SPPL2B: variants seen among roughly 807,000 people sequenced by gnomAD.
The protein encoded by SPPL2B is signal peptide peptidase like 2B.
In SPPL2B, 39 loss-of-function variants were observed where a neutral mutation model predicts 59.7. The ratio of observed to expected loss-of-function variants is 0.65; its 90% CI spans 0.51 to 0.85. SPPL2B has a LOEUF of 0.85. Among genes scored for constraint, SPPL2B ranks in the 40% least tolerant of loss-of-function variants. The pLI, the probability that SPPL2B is intolerant of heterozygous loss-of-function variation, is 0.00. For missense variants in SPPL2B, 865 were observed against 849.0 expected (o/e 1.02, Z -0.23); for synonymous variants, 419 against 370.8 (o/e 1.13, Z -1.49).
In SPPL2B at chr19:2,334,724, G is replaced by A; in HGVS notation, c.186+3G>A. 2 of 1,593,410 alleles carry A rather than the reference G, an allele frequency of 1.3e-6. No homozygotes were observed. The highest frequency in any genetic ancestry group is 1.7e-6 in the Non-Finnish European group (2 of 1,169,528). On this transcript the variant is annotated splice_donor_region_variant and intron_variant, in intron 2 of 14. Coordinates refer to ENST00000613503, the MANE Select transcript of SPPL2B (RefSeq NM_152988.3). ...TTCCGCACGACCTCAGCAAGGCAGT[G>A]AGTACCCGCTGGCCGGGCGCCGCTG... is the stretch of plus-strand genomic sequence containing the variant.
intron 13 of SPPL2B, among the ~76,000 whole-genome samples, chr19:2,347,144 C>T (rs543246356): frequency 6.8e-6 from 1 of 147,030 alleles, no homozygotes; most frequent in Admixed American, 6.7e-5. Context: ...CTTACGCGCT[C>T]TCATTCACCT....
At chr19:2,336,053 G>A (rs1381350020) in intron 2 of SPPL2B, among the ~76,000 whole-genome samples, 2 of 152,254 alleles carry the variant, frequency 1.3e-5, no homozygotes, top group Non-Finnish European at 1.5e-5. Flanking sequence ...ATGTGCCTGA[G>A]TGCATATTTC....
At position 2,351,364 on chromosome 19, in the gene SPPL2B, G is replaced by A. The variant is rs1030908833; in HGVS notation, c.1355-70G>A. On this transcript the variant is annotated intron_variant, in intron 13 of 14. Transcript: ENST00000613503. ...CCTCCACCAACCCCAGCCCGCTCAC[G>A]TTCTTCCCAGGGAAATGGGTGGTGG... 8.8e-5 allele frequency: 117 copies of A among 1,333,486 alleles called. 1 individual carries two copies. Among genetic ancestry groups the A allele is most frequent in the Non-Finnish European group, 1.2e-4 (111 of 960,580 alleles). The allele number at this position is 1,333,486 out of a possible 1,614,324, so 82.6% of individuals were successfully genotyped here. A position where few individuals can be genotyped will look rare whatever the true frequency, so the allele number is the denominator to read the frequency against.
intron 8 of SPPL2B, 189 bp from the exon 9 acceptor site, chr19:2,343,022 C>T (rs2145174299): frequency 1.7e-6 from 1 of 598,198 alleles, no homozygotes; most frequent in East Asian, 2.8e-5. Flanking sequence ...TGCCGCCAGC[C>T]CTGCTGGAGT....
chr19:2,328,709 C>A lies in SPPL2B; in HGVS notation c.-1C>A, dbSNP rs1237584587. The A allele has an allele frequency of 2.1e-6, 3 of 1,441,348 alleles. No individual in the cohort carries two copies. The highest frequency in any genetic ancestry group is 2.7e-6 in the Non-Finnish European group (3 of 1,107,184). 89.3% of individuals were successfully genotyped at this position (1,441,348 alleles called of 1,614,324 possible). ...GTTGGTTGCGGCGGGCACCGGCCGA[C>A]ATGGCGGCAGCGGTGGCGGCTGCGC... is the stretch of plus-strand genomic sequence containing the variant. On this transcript the variant is annotated 5_prime_UTR_variant, in exon 1 of 15. Transcript: ENST00000613503.
rs987220221 is a variant in SPPL2B, at chr19:2,353,400, C to T, written c.*191C>T. 9 of 667,624 alleles carry T rather than the reference C, an allele frequency of 1.3e-5. No homozygotes were observed. The highest frequency in any genetic ancestry group is 3.8e-5 in the African/African-American group (2 of 52,728). The allele number at this position is 667,624 out of a possible 1,614,324, so 41.4% of individuals were successfully genotyped here. A position where few individuals can be genotyped will look rare whatever the true frequency, so the allele number is the denominator to read the frequency against. On this transcript the variant is annotated 3_prime_UTR_variant, in exon 15 of 15. Coordinates refer to ENST00000613503, the MANE Select transcript of SPPL2B (RefSeq NM_152988.3). ...GTGCCCGCGCCCAGCCCAGCTGCCC[C>T]GGCTGCACGCCTGCTGCTCCCAGCT...
At position 2,339,060 on chromosome 19, in the gene SPPL2B, T is replaced by C. The variant is rs750006104; in HGVS notation, c.460-9T>C. 1 of 1,552,274 alleles carries C rather than the reference T, an allele frequency of 6.4e-7. No homozygotes were observed. The highest frequency in any genetic ancestry group is 1.2e-5 in the South Asian group (1 of 84,526). On this transcript the variant is annotated splice_polypyrimidine_tract_variant and intron_variant, in intron 4 of 14. Coordinates refer to ENST00000613503, the MANE Select transcript of SPPL2B (RefSeq NM_152988.3). Reference sequence around the variant, plus strand: ...CTGACGCCTGCCTCCGGTGTGTTCCTTGAGGCAGCGTTTCGGCCGCACGGT... The same window carrying C: ...CTGACGCCTGCCTCCGGTGTGTTCCCTGAGGCAGCGTTTCGGCCGCACGGT...
At chr19:2,341,983 T>C (rs1969086167) in intron 8 of SPPL2B, 3 of 189,690 alleles carry the variant, frequency 1.6e-5, no homozygotes, top group African/African-American at 7.1e-5. Flanking sequence ...TCTGGGTGCT[T>C]GAAGTACGTG....
intron 12 of SPPL2B, 148 bp from the exon 13 acceptor site, chr19:2,345,105 G>A (rs1052101854): frequency 2.7e-5 from 17 of 633,830 alleles, no homozygotes; most frequent in African/African-American, 5.5e-5. Context: ...CCGAGCGAGC[G>A]TGTGGCCTGT....
rs761876501 is a variant in SPPL2B at position 2,351,489 on chromosome 19, C to T, written c.1410C>T (p.Gly470=). 1.2e-6 allele frequency: 2 copies of T among 1,610,408 alleles called. No individual in the cohort carries two copies. Among genetic ancestry groups the T allele is most frequent in the Non-Finnish European group, 1.7e-6 (2 of 1,179,394 alleles). The part of the protein sequence containing the change: ...TFVALALMQR[G]QPALLYLVPC... ...TGGCACTGGCCCTGATGCAGCGTGG[C>T]CAGCCCGCTCTCCTCTACCTGGTGC... Residue 470 remains glycine, a synonymous_variant, in exon 14 of 15, where the codon GGC becomes GGT. Coordinates refer to ENST00000613503, the MANE Select transcript of SPPL2B (RefSeq NM_152988.3).
At chr19:2,343,318 G>A (rs757849317) in intron 9 of SPPL2B, 26 bp downstream of exon 9, 51 of 1,530,338 alleles carry the variant, frequency 3.3e-5, no homozygotes, top group Non-Finnish European at 4.1e-5. Context: ...GCACGGCTGC[G>A]GGGCAGCATG....
In SPPL2B at chr19:2,334,617, G is replaced by C. The variant is rs377325090; in HGVS notation, c.82G>C (p.Gly28Arg). The C allele has an allele frequency of 2.5e-6, 4 of 1,612,364 alleles. No homozygotes were observed. The highest frequency in any genetic ancestry group is 3.4e-6 in the Non-Finnish European group (4 of 1,179,318). Residue 28 changes from glycine to arginine, a missense_variant, in exon 2 of 15, where the codon GGC (glycine) becomes CGC (arginine). Coordinates refer to ENST00000613503, the MANE Select transcript of SPPL2B (RefSeq NM_152988.3). ...LLAAQVACEYGMVHVVSQAGG... is the reference protein window; with the variant it reads ...LLAAQVACEYRMVHVVSQAGG... The stretch of plus-strand genomic sequence containing the variant: ...TGTCCTGCAGGTGGCCTGTGAGTAC[G>C]GCATGGTGCACGTGGTCTCCCAGGC...
In SPPL2B at chr19:2,339,171, A is replaced by G. The variant is rs376264283; in HGVS notation, c.562A>G (p.Ile188Val). 2.0e-5 allele frequency: 32 copies of G among 1,604,058 alleles called. 1 individual carries two copies. The Middle Eastern group carries it at 2.2e-3, about 109-fold the overall frequency. ...IFIMAVGTVA[I>V]GGYWAGSRDV... is the part of the protein sequence containing the mutation. Reference sequence around the variant, plus strand: ...CATCATGGCTGTGGGCACCGTCGCCATCGGCGGCTACTGGGCCGGGAGTCG... The same window carrying G: ...CATCATGGCTGTGGGCACCGTCGCCGTCGGCGGCTACTGGGCCGGGAGTCG... The change falls in exon 5 of 15, where the codon ATC becomes GTC. Residue 188 changes from isoleucine (I) to valine (V), a missense_variant. Coordinates refer to ENST00000613503, the MANE Select transcript of SPPL2B (RefSeq NM_152988.3).
intron 2 of SPPL2B, 130 bp from the exon 3 acceptor site, chr19:2,337,313 C>T (rs912652374): frequency 9.2e-6 from 8 of 867,892 alleles, no homozygotes; most frequent in South Asian, 3.6e-5. Context: ...CTAGGTGGGC[C>T]GAGGCCGTGC....
At position 2,338,762 on chromosome 19, in the gene SPPL2B, G is replaced by C. The variant is rs778921236; in HGVS notation, c.380G>C (p.Gly127Ala). 5.6e-6 allele frequency: 9 copies of C among 1,613,160 alleles called. No homozygotes were observed. In the South Asian group the frequency reaches 8.8e-5, roughly 16 times the overall value. Residue 127 changes from glycine to alanine, a missense_variant, in exon 4 of 15, where the codon GGG becomes GCG. By Grantham distance (60) the Gly-to-Ala change is moderately conservative (BLOSUM62 0). Coordinates refer to ENST00000613503, the MANE Select transcript of SPPL2B (RefSeq NM_152988.3). ...CCTCTGGGCCCCCAGGTCCCCCCGGGGGGTAATAAGACGCAGTATGATGAG... is the reference window on the plus strand; with the variant it reads ...CCTCTGGGCCCCCAGGTCCCCCCGGCGGGTAATAAGACGCAGTATGATGAG... ...IVSRERLVPP[G>A]GNKTQYDEIG... is the part of the protein sequence containing the mutation.
rs763199424 is a variant in SPPL2B at position 2,351,496 on chromosome 19, G to T, written c.1417G>T (p.Ala473Ser). Reference protein sequence around the residue: ...ALALMQRGQPALLYLVPCTLV... With the variant: ...ALALMQRGQPSLLYLVPCTLV... ...GGCCCTGATGCAGCGTGGCCAGCCC[G>T]CTCTCCTCTACCTGGTGCCCTGCAC... is the stretch of plus-strand genomic sequence containing the variant. Residue 473 changes from alanine (A) to serine (S), a missense_variant, in exon 14 of 15, where the codon GCT becomes TCT. Transcript: ENST00000613503. 1.2e-6 allele frequency: 2 copies of T among 1,610,380 alleles called. No homozygotes were observed. The highest frequency in any genetic ancestry group is 2.2e-5 in the East Asian group (1 of 44,866).
At chr19:2,347,162 TTC>T (rs757058939) in intron 13 of SPPL2B, among the ~76,000 whole-genome samples, 1 of 144,732 alleles carries the variant, frequency 6.9e-6, no homozygotes, top group East Asian at 2.1e-4. Context: ...CCTGATTCCG[TTC>T]TCTCTCCACA....
chr19:2,345,454 C>A, intron 13 of SPPL2B, 124 bp downstream of exon 13: 2 of 814,894 alleles, frequency 2.5e-6, no homozygotes, highest in Non-Finnish European at 4.0e-6. Flanking sequence ...ACTCTAACAC[C>A]GTAACCATAA....
chr19:2,353,359 G>C lies in SPPL2B; in HGVS notation c.*150G>C. 3.9e-6 allele frequency: 4 copies of C among 1,026,634 alleles called. No individual in the cohort carries two copies. The highest frequency in any genetic ancestry group is 5.5e-6 in the Non-Finnish European group (4 of 729,218). The allele number at this position is 1,026,634 out of a possible 1,614,324, so 63.6% of individuals were successfully genotyped here. ...CCCCAACATGGTGCTCATCCTTGCC[G>C]AGACCCCTGCGGTCTGTGCCCGCGC... On this transcript the variant is annotated 3_prime_UTR_variant, in exon 15 of 15. Transcript: ENST00000613503.
Sources: allele counts gnomAD v4.1 joint callset (sites outside exome capture counted in the v4.1 genomes callset), GRCh38; gene constraint gnomAD v4.1.1; transcripts MANE v1.5; gene names NCBI Gene and HGNC (gene_info 2026-07-23, HGNC 2026-07-21).